The following PCDHA4 variants were observed in gnomAD, a reference collection of about 807,000 sequenced individuals.
PCDHA4 encodes protocadherin alpha 4.
A neutral mutation model predicts 61.4 loss-of-function variants in PCDHA4; 49 were observed. The observed-to-expected ratio is 0.80, with a 90% CI of 0.63 to 1.01. The LOEUF (loss-of-function observed/expected upper bound fraction) is 1.01. PCDHA4 is among the 50% of genes least tolerant of loss of function. PCDHA4 has a pLI of 0.00. For missense variants in PCDHA4, 1,254 were observed against 1,235.8 expected, an observed-to-expected ratio of 1.01 and a Z score of -0.22; for synonymous variants, 590 against 550.3, an observed-to-expected ratio of 1.07 and a Z score of -1.01.
intron 1 of PCDHA4, among the ~76,000 whole-genome samples, chr5:140,899,477 A>G (rs1309385245): frequency 3.3e-5 from 5 of 152,210 alleles, no homozygotes; most frequent in Non-Finnish European, 5.9e-5. Context: ...GGTTCTGTTT[A>G]TATGCTGGAT....
At chr5:140,975,236 T>A (rs562846037) in intron 1 of PCDHA4, among the ~76,000 whole-genome samples, 84 of 152,334 alleles carry the variant, frequency 5.5e-4, no homozygotes, top group African/African-American at 1.9e-3. Context: ...TCACATGGAA[T>A]CCCTCTTATG....
At chr5:140,973,870 T>A (rs2153801427) in intron 1 of PCDHA4, among the ~76,000 whole-genome samples, 1 of 152,264 alleles carries the variant, frequency 6.6e-6, no homozygotes. Flanking sequence ...CAATGAGAGG[T>A]CAGAATAATG....
Position 140,928,756 on chromosome 5 carries a change from C to T in PCDHA4, c.2386-50193C>T. 2.5e-6 allele frequency: 4 copies of T among 1,614,164 alleles called. No individual in the cohort carries two copies. The highest frequency in any genetic ancestry group is 3.4e-6 in the Non-Finnish European group (4 of 1,180,032). On this transcript the variant is annotated intron_variant, in intron 1 of 3. Transcript: ENST00000530339. The stretch of plus-strand genomic sequence containing the variant: ...CAATATAGGTGAGCTCCGTACTGCT[C>T]GCTTAGTTCTTCCCACTGATGCAGT...
intron 3 of PCDHA4, among the ~76,000 whole-genome samples, chr5:141,008,882 A>G (rs2098393885): frequency 6.6e-6 from 1 of 152,170 alleles, no homozygotes; most frequent in Non-Finnish European, 1.5e-5. Flanking sequence ...ACCACCCTTC[A>G]ATGTTATTAC....
chr5:140,842,743 C>T lies in PCDHA4; in HGVS notation c.2385+33171C>T, dbSNP rs140156445. On this transcript the variant is annotated intron_variant, in intron 1 of 3. Transcript: ENST00000530339. ...AGAACAACCCGCCGGGCTGCCACATCTTCACGGTGTCTGCGCGAGACGCGG... is the reference window on the plus strand; with the variant it reads ...AGAACAACCCGCCGGGCTGCCACATTTTCACGGTGTCTGCGCGAGACGCGG... The T allele has an allele frequency of 1.0e-5, 16 of 1,595,026 alleles. No homozygotes were observed. The African/African-American group carries it at 1.9e-4, about 19-fold the overall frequency.
chr5:140,983,282 G>A (rs1030439196), intron 3 of PCDHA4, among the ~76,000 whole-genome samples: 1 of 152,152 alleles, frequency 6.6e-6, no homozygotes, highest in Non-Finnish European at 1.5e-5. Context: ...GTGAGTATAG[G>A]AAAATTGCTT....
intron 1 of PCDHA4, among the ~76,000 whole-genome samples, chr5:140,908,466 C>T (rs2073988233): frequency 6.6e-6 from 1 of 152,134 alleles, no homozygotes. Flanking sequence ...TCAGAAAGCA[C>T]CCAGTTCATG....
chr5:140,955,698 T>C (rs1295764352), intron 1 of PCDHA4, among the ~76,000 whole-genome samples: 2 of 152,218 alleles, frequency 1.3e-5, no homozygotes, highest in South Asian at 2.1e-4. Context: ...TGAATGTCAA[T>C]GGAAGTTTAA....
chr5:140,852,882 C>A (rs1562485802), intron 1 of PCDHA4: 2 of 936,178 alleles, frequency 2.1e-6, no homozygotes, highest in South Asian at 4.9e-5. Flanking sequence ...AATCATAAAA[C>A]GTATTTTTTT....
chr5:140,928,635 A>G lies in PCDHA4; in HGVS notation c.2386-50314A>G, dbSNP rs148091714. On this transcript the variant is annotated intron_variant, in intron 1 of 3. Transcript: ENST00000530339. ...CTGCCAGGACTGGACACTTGGTCAC[A>G]AAAGTGGTAGCAGAGGATGCTGACA... is the stretch of plus-strand genomic sequence containing the variant. 6 of 1,614,104 alleles carry G rather than the reference A, an allele frequency of 3.7e-6. No individual in the cohort carries two copies. The Middle Eastern group carries it at 4.9e-4, about 133-fold the overall frequency.
In PCDHA4 at chr5:141,010,896, A is replaced by G. The variant is rs1433932699; in HGVS notation, c.*959A>G. 6.5e-6 allele frequency: 1 copy of G among 153,790 alleles called. No individual in the cohort carries two copies. The highest frequency in any genetic ancestry group is 1.5e-5 in the Non-Finnish European group (1 of 68,052). The allele number at this position is 153,790 out of a possible 1,614,324, so 9.5% of individuals were successfully genotyped here. A position where few individuals can be genotyped will look rare whatever the true frequency, so the allele number is the denominator to read the frequency against. Reference sequence around the variant, plus strand: ...ATCTTTAAAGAGAAATATGAATACAATTCCCCTAAACTCTCCTCAAAAGAG... The same window carrying G: ...ATCTTTAAAGAGAAATATGAATACAGTTCCCCTAAACTCTCCTCAAAAGAG... On this transcript the variant is annotated 3_prime_UTR_variant, in exon 4 of 4. Coordinates refer to ENST00000530339, the MANE Select transcript of PCDHA4 (RefSeq NM_018907.4).
At position 140,857,968 on chromosome 5, in the gene PCDHA4, C is replaced by T. The variant is rs782482021; in HGVS notation, c.2385+48396C>T. The T allele has an allele frequency of 5.8e-5, 93 of 1,597,052 alleles. 13 individuals are homozygous for T. The Middle Eastern group carries it at 6.7e-4, about 11-fold the overall frequency. ...CGACGCGCGCTCTGGATGAGACTGA[C>T]TCGCCACGCCAGCGCCTACTGGTGC... On this transcript the variant is annotated intron_variant, in intron 1 of 3. Coordinates refer to ENST00000530339, the MANE Select transcript of PCDHA4 (RefSeq NM_018907.4).
intron 1 of PCDHA4, chr5:140,875,728 G>T: frequency 6.2e-7 from 1 of 1,614,238 alleles, no homozygotes; most frequent in East Asian, 2.2e-5. Flanking sequence ...CATTTTGTTT[G>T]TGAATTCTCG....
rs191667063 is a variant in PCDHA4 at position 140,957,933 on chromosome 5, T to G, written c.2386-21016T>G. Among the ~76,000 whole-genome samples the G allele has an allele frequency of 2.8e-3, 419 of 152,208 alleles. 2 individuals carry two copies. The highest frequency in any genetic ancestry group is 0.014 in the Middle Eastern group (4 of 294). ...GTTATCTATGTATCAAGCTAAATAA[T>G]TTAAAGATCTTTAAGACTATTAATT... is the stretch of plus-strand genomic sequence containing the variant. On this transcript the variant is annotated intron_variant, in intron 1 of 3. Transcript: ENST00000530339.
chr5:141,003,520 C>G (rs1171208921), intron 3 of PCDHA4, among the ~76,000 whole-genome samples: 2 of 152,244 alleles, frequency 1.3e-5, no homozygotes, highest in Middle Eastern at 3.4e-3. Flanking sequence ...ACCATGTTCC[C>G]TAGGCTGGTC....
chr5:140,807,913 T>G lies in PCDHA4; in HGVS notation c.726T>G (p.Phe242Leu), dbSNP rs544486989. 6.2e-7 allele frequency: 1 copy of G among 1,614,158 alleles called. No homozygotes were observed. The highest frequency in any genetic ancestry group is 2.2e-5 in the East Asian group (1 of 44,890). Reference protein sequence around the residue: ...VLDANDNAPAFDRTIYKVRLL... With the variant: ...VLDANDNAPALDRTIYKVRLL... ...ATGCCAATGACAATGCCCCAGCTTT[T>G]GACAGAACCATTTATAAGGTGAGAT... The change falls in exon 1 of 4, where the codon TTT (phenylalanine) becomes TTG (leucine). Residue 242 changes from phenylalanine to leucine, a missense_variant. Physicochemically the swap from Phe to Leu is conservative, Grantham distance 22 (BLOSUM62 0). Transcript: ENST00000530339.
At position 140,984,181 on chromosome 5, in the gene PCDHA4, C is replaced by T. The variant is rs995252456; in HGVS notation, c.2533+1618C>T. Among the ~76,000 whole-genome samples, 5 of 152,210 alleles carry T rather than the reference C, an allele frequency of 3.3e-5. No individual in the cohort carries two copies. In the East Asian group the frequency reaches 9.6e-4, roughly 29 times the overall value. Reference sequence around the variant, plus strand: ...ACTTCCCAAAGAAGCCACGTGAAATCATGACTTTCTACCTTGCCTTTATTT... The same window carrying T: ...ACTTCCCAAAGAAGCCACGTGAAATTATGACTTTCTACCTTGCCTTTATTT... On this transcript the variant is annotated intron_variant, in intron 3 of 3. Coordinates refer to ENST00000530339, the MANE Select transcript of PCDHA4 (RefSeq NM_018907.4).
chr5:141,007,348 C>T (rs1300636691), intron 3 of PCDHA4, among the ~76,000 whole-genome samples: 3 of 142,438 alleles, frequency 2.1e-5, no homozygotes, highest in African/African-American at 5.3e-5. Context: ...CTCAGGAGTT[C>T]GAGACCAGCC....
chr5:140,944,133 G>C (rs1051812384), intron 1 of PCDHA4, among the ~76,000 whole-genome samples: 2 of 152,134 alleles, frequency 1.3e-5, no homozygotes, highest in Non-Finnish European at 2.9e-5. Context: ...AGAAAAGGTT[G>C]AAGATTAGAA....
Sources: gnomAD v4.1 joint callset for allele counts (sites outside exome capture counted in the v4.1 genomes callset) on GRCh38, gnomAD v4.1.1 for gene constraint, MANE v1.5 for transcripts, NCBI Gene and HGNC (gene_info 2026-07-23, HGNC 2026-07-21) for gene names.